The following ATP2B1 variants were observed in gnomAD, a reference collection of about 807,000 sequenced individuals.
ATP2B1 encodes plasma membrane calcium-transporting ATPase 1.
Under a neutral mutation model 124.2 loss-of-function variants are expected in ATP2B1, and 14 were observed. That is an observed-to-expected ratio of 0.11 (90% CI 0.07 to 0.18). The LOEUF is 0.18. Among genes scored for constraint, ATP2B1 ranks in the 10% least tolerant of loss-of-function variants. The probability of loss-of-function intolerance (pLI) is 1.00; values close to 1 mark genes in which losing one functional copy is unlikely to be tolerated. For synonymous variants in ATP2B1, 449 were observed against 492.4 expected (o/e 0.91, Z 1.17); for missense variants, 763 against 1,466.1 (o/e 0.52, Z 7.83).
intron 11 of ATP2B1, among the ~76,000 whole-genome samples, chr12:89,617,467 T>A (rs1879170089): frequency 6.6e-6 from 1 of 152,168 alleles, no homozygotes; most frequent in Non-Finnish European, 1.5e-5. Context: ...TTACCTGAGA[T>A]GTTGTTTCAT....
intron 1 of ATP2B1, among the ~76,000 whole-genome samples, chr12:89,694,465 C>A (rs1283608644): frequency 1.3e-5 from 2 of 152,136 alleles, no homozygotes; most frequent in Non-Finnish European, 2.9e-5. Context: ...GGGGGGGTTA[C>A]CTGGTATCAA....
intron 1 of ATP2B1, among the ~76,000 whole-genome samples, chr12:89,684,410 G>A (rs1037671130): frequency 2.0e-5 from 3 of 152,160 alleles, no homozygotes; most frequent in Admixed American, 1.3e-4. Flanking sequence ...AATGGGATGA[G>A]GGGAAGGCAA....
chr12:89,626,015 T>C (rs552316373), intron 8 of ATP2B1, among the ~76,000 whole-genome samples: 2 of 152,314 alleles, frequency 1.3e-5, no homozygotes, highest in South Asian at 2.1e-4. Flanking sequence ...GGCAGTAATA[T>C]AGAAACTTCA....
At chr12:89,662,739 A>T (rs1886857662) in intron 1 of ATP2B1, among the ~76,000 whole-genome samples, 1 of 152,166 alleles carries the variant, frequency 6.6e-6, no homozygotes, top group African/African-American at 2.4e-5. Context: ...CCTAAATACC[A>T]TCCCTGTGTC....
intron 20 of ATP2B1, among the ~76,000 whole-genome samples, chr12:89,591,575 A>AT (rs1466325771): frequency 6.6e-6 from 1 of 152,046 alleles, no homozygotes; most frequent in African/African-American, 2.4e-5. Context: ...ATTTTATAGG[A>AT]TTTTTTCCCT....
intron 2 of ATP2B1, among the ~76,000 whole-genome samples, chr12:89,643,156 A>G (rs1592838744): frequency 2.0e-5 from 3 of 150,678 alleles, no homozygotes; most frequent in East Asian, 1.9e-4. Flanking sequence ...GTATATGTAT[A>G]TATGTATGTA....
Position 89,611,280 on chromosome 12 carries a change from G to A in ATP2B1, c.2160C>T (p.Thr720=), listed in dbSNP as rs1877957161. 6.2e-7 allele frequency: 1 copy of A among 1,611,204 alleles called. No individual in the cohort carries two copies. Among genetic ancestry groups the A allele is most frequent in the Non-Finnish European group, 8.5e-7 (1 of 1,178,820 alleles). Residue 720 remains threonine (T), a synonymous_variant, in exon 13 of 21, where the codon ACC becomes ACT. Transcript: ENST00000428670. ...CCCCAGGATGTAAAATACCACATTT[G>A]GTAGCAATGGCCCGAGCAGTATTAA... ...DNINTARAIA[T]KCGILHPGED...
rs759569885 is a variant in ATP2B1 at position 89,635,010 on chromosome 12, A to C, written c.648T>G (p.Ala216=). The change falls in exon 4 of 21, where the codon GCT becomes GCG. Residue 216 remains alanine, a synonymous_variant. Transcript: ENST00000428670. Reference sequence around the variant, plus strand: ...TTACTTACTTACCATATTTCACTTGAGCAATATCTCCAACAGTAATGTCAG... The same window carrying C: ...TTACTTACTTACCATATTTCACTTGCGCAATATCTCCAACAGTAATGTCAG... ...PVADITVGDI[A]QVKYGDLLPA... The C allele has an allele frequency of 3.1e-6, 5 of 1,613,858 alleles. No individual in the cohort carries two copies. In the South Asian group the frequency reaches 5.5e-5, roughly 18 times the overall value.
At chr12:89,633,319 T>C (rs1222050115) in intron 5 of ATP2B1, among the ~76,000 whole-genome samples, 1 of 151,908 alleles carries the variant, frequency 6.6e-6, no homozygotes, top group East Asian at 1.9e-4. Flanking sequence ...ATTATTATTA[T>C]ATTTTAAGTT....
intron 1 of ATP2B1, among the ~76,000 whole-genome samples, chr12:89,694,970 T>C (rs1466833909): frequency 1.4e-5 from 2 of 146,034 alleles, no homozygotes; most frequent in South Asian, 4.3e-4. Context: ...GGTGGGAGGA[T>C]CACCTAAGCC....
At chr12:89,705,685 T>C (rs1391448152) in intron 1 of ATP2B1, among the ~76,000 whole-genome samples, 1 of 152,170 alleles carries the variant, frequency 6.6e-6, no homozygotes, top group Non-Finnish European at 1.5e-5. Context: ...TAACAACATA[T>C]AATTACTCTA....
At chr12:89,703,527 CAA>C (rs1892104367) in intron 1 of ATP2B1, among the ~76,000 whole-genome samples, 1 of 152,074 alleles carries the variant, frequency 6.6e-6, no homozygotes, top group African/African-American at 2.4e-5. Context: ...TTTCTTCTAA[CAA>C]AGAGCTAGAC....
intron 1 of ATP2B1, among the ~76,000 whole-genome samples, chr12:89,671,155 G>T (rs559996573): frequency 6.6e-6 from 1 of 152,224 alleles, no homozygotes; most frequent in African/African-American, 2.4e-5. Flanking sequence ...AATGGATTGA[G>T]CAGAACATTC....
chr12:89,632,430 G>GA (rs753159916), intron 5 of ATP2B1, among the ~76,000 whole-genome samples: 3 of 152,124 alleles, frequency 2.0e-5, no homozygotes, highest in Admixed American at 1.3e-4. Flanking sequence ...CTTTGCCAGT[G>GA]AAAGTGCAGG....
chr12:89,660,697 A>G (rs1886599184), intron 1 of ATP2B1, among the ~76,000 whole-genome samples: 1 of 152,194 alleles, frequency 6.6e-6, no homozygotes, highest in African/African-American at 2.4e-5. Context: ...ATACATGTAA[A>G]CCCTTTGAAC....
rs750491509 is a variant in ATP2B1, at chr12:89,630,697, T to C, written c.788-52A>G. ...TAAAAATACTGATAGATCTCCTTGC[T>C]ACCACCAAATTTCAAACTTCAGTAA... On this transcript the variant is annotated intron_variant, in intron 5 of 20. Transcript: ENST00000428670. 10 of 1,332,990 alleles carry C rather than the reference T, an allele frequency of 7.5e-6. No individual in the cohort carries two copies. In the Admixed American group the frequency reaches 1.7e-4, roughly 22 times the overall value. The allele number at this position is 1,332,990 out of a possible 1,614,324, so 82.6% of individuals were successfully genotyped here.
chr12:89,684,040 T>G (rs1436536451), intron 1 of ATP2B1, among the ~76,000 whole-genome samples: 2 of 152,086 alleles, frequency 1.3e-5, no homozygotes, highest in African/African-American at 4.8e-5. Context: ...TATGGTGGAA[T>G]TTCCAAGATA....
intron 1 of ATP2B1, among the ~76,000 whole-genome samples, chr12:89,662,627 A>G (rs1156410254): frequency 6.6e-6 from 1 of 152,202 alleles, no homozygotes; most frequent in Non-Finnish European, 1.5e-5. Flanking sequence ...AGAATAACAT[A>G]TAAACAAGAG....
intron 1 of ATP2B1, among the ~76,000 whole-genome samples, chr12:89,684,979 T>C (rs980205755): frequency 1.3e-5 from 2 of 152,210 alleles, no homozygotes; most frequent in African/African-American, 2.4e-5. Context: ...GCCTATACTT[T>C]AAACTCAAAA....
Sources: gnomAD v4.1 joint callset for allele counts (sites outside exome capture counted in the v4.1 genomes callset) on GRCh38, gnomAD v4.1.1 for gene constraint, MANE v1.5 for transcripts, NCBI Gene and HGNC (gene_info 2026-07-23, HGNC 2026-07-21) for gene names.